The following LRP1B variants were observed in gnomAD, a reference collection of about 807,000 sequenced individuals.
LRP1B encodes low-density lipoprotein receptor-related protein 1B.
LRP1B carries 217 observed loss-of-function variants against 556.6 expected under a neutral mutation model. The ratio of observed to expected loss-of-function variants is 0.39; its 90% CI spans 0.35 to 0.44. The LOEUF is 0.44. Among genes scored for constraint, LRP1B ranks in the 20% least tolerant of loss-of-function variants. LRP1B has a pLI of 1.00. For synonymous variants in LRP1B, 2,047 were observed against 1,865.8 expected (o/e 1.10, Z -2.50); for missense variants, 5,053 against 5,620.8 (o/e 0.90, Z 3.23).
intron 79 of LRP1B, among the ~76,000 whole-genome samples, chr2:140,329,598 A>G (rs1680687365): frequency 6.6e-6 from 1 of 151,978 alleles, no homozygotes; most frequent in African/African-American, 2.4e-5. Context: ...CTATACACCA[A>G]CAATAGGCAA....
At chr2:141,012,944 ACCTAAATT>A (rs1697797625) in intron 14 of LRP1B, among the ~76,000 whole-genome samples, 1 of 151,884 alleles carries the variant, frequency 6.6e-6, no homozygotes. Context: ...TTCATTCAAT[ACCTAAATT>A]CTGAGTAATG....
intron 68 of LRP1B, among the ~76,000 whole-genome samples, chr2:140,375,812 T>C (rs2105177790): frequency 6.6e-6 from 1 of 152,290 alleles, no homozygotes; most frequent in Non-Finnish European, 1.5e-5. Context: ...GTAATCATTT[T>C]CTGTGTGTGC....
chr2:141,983,180 GA>G (rs5834886), intron 1 of LRP1B, among the ~76,000 whole-genome samples: 122,657 of 151,898 alleles, frequency 0.81, 49,703 homozygotes, highest in East Asian at 0.95. Context: ...GACAGAAGTA[GA>G]AAAAATATCT....
At chr2:141,239,356 A>G (rs1683778636) in intron 5 of LRP1B, among the ~76,000 whole-genome samples, 1 of 152,148 alleles carries the variant, frequency 6.6e-6, no homozygotes, top group East Asian at 1.9e-4. Flanking sequence ...GAGCAGAGCA[A>G]AGGAAAGTGG....
chr2:140,715,654 T>A (rs528835995), intron 37 of LRP1B, among the ~76,000 whole-genome samples: 3 of 152,236 alleles, frequency 2.0e-5, no homozygotes, highest in Non-Finnish European at 4.4e-5. Flanking sequence ...ATCAAATGGC[T>A]ATTTTACTAA....
rs527571546 is a variant in LRP1B at position 141,694,391 on chromosome 2, G to C, written c.205+115888C>G. Among the ~76,000 whole-genome samples the C allele has an allele frequency of 2.0e-5, 3 of 152,120 alleles. No homozygotes were observed. In the South Asian group the frequency reaches 6.2e-4, roughly 32 times the overall value. On this transcript the variant is annotated intron_variant, in intron 2 of 90. Coordinates refer to ENST00000389484, the MANE Select transcript of LRP1B (RefSeq NM_018557.3). ...TGAGTGAGCCTGCCCTAGTGACCCAGCCTTAGTGCCACAAACATGGCCTGA... is the reference window on the plus strand; with the variant it reads ...TGAGTGAGCCTGCCCTAGTGACCCACCCTTAGTGCCACAAACATGGCCTGA...
chr2:140,370,639 C>T (rs1359484923), intron 71 of LRP1B, 71 bp downstream of exon 71: 3 of 1,571,924 alleles, frequency 1.9e-6, no homozygotes, highest in South Asian at 1.1e-5. Flanking sequence ...CTAGCATACA[C>T]TGTATATTCT....
chr2:141,470,034 A>G (rs980619620), intron 3 of LRP1B, among the ~76,000 whole-genome samples: 24 of 151,572 alleles, frequency 1.6e-4, no homozygotes, highest in African/African-American at 5.8e-4. Context: ...CATGTATAGA[A>G]AAAACATAGT....
rs142232393 is a variant in LRP1B at position 140,770,053 on chromosome 2, A to G, written c.5627-709T>C. On this transcript the variant is annotated intron_variant, in intron 34 of 90. Transcript: ENST00000389484. Reference sequence around the variant, plus strand: ...TATATTTTTTTCTTATTAAAACTAGAATGCCTAGAATTAAATCTGTTTCCA... The same window carrying G: ...TATATTTTTTTCTTATTAAAACTAGGATGCCTAGAATTAAATCTGTTTCCA... Among the ~76,000 whole-genome samples the G allele has an allele frequency of 1.7e-3, 258 of 151,914 alleles. 1 individual carries two copies. The highest frequency in any genetic ancestry group is 6.1e-3 in the African/African-American group (253 of 41,538).
chr2:141,953,808 C>A (rs1701175518), intron 1 of LRP1B, among the ~76,000 whole-genome samples: 1 of 152,066 alleles, frequency 6.6e-6, no homozygotes, highest in Admixed American at 6.6e-5. Context: ...TGTATTCATG[C>A]AAGATGCAAT....
At chr2:140,555,627 G>C (rs1341427608) in intron 43 of LRP1B, among the ~76,000 whole-genome samples, 1 of 152,116 alleles carries the variant, frequency 6.6e-6, no homozygotes, top group African/African-American at 2.4e-5. Context: ...TGTTAAATAA[G>C]CTTTAAAATC....
At chr2:141,635,177 C>T (rs73965759) in intron 2 of LRP1B, among the ~76,000 whole-genome samples, 60 of 151,946 alleles carry the variant, frequency 3.9e-4, no homozygotes, top group African/African-American at 1.1e-3. Flanking sequence ...TAGGATTATA[C>T]GTACAGAATG....
rs557697889 is a variant in LRP1B, at chr2:141,241,256, T to C, written c.592+5970A>G. On this transcript the variant is annotated intron_variant, in intron 5 of 90. Coordinates refer to ENST00000389484, the MANE Select transcript of LRP1B (RefSeq NM_018557.3). ...AATACTCCATAAAATAAAGAAATAT[T>C]TTAATGGCCAGGCTACCGGTCCGGG... 3.3e-5 allele frequency among the ~76,000 whole-genome samples: 5 copies of C among 152,168 alleles called. No homozygotes were observed. In the South Asian group the frequency reaches 1.0e-3, roughly 32 times the overall value.
At chr2:141,625,740 A>G (rs1688681897) in intron 2 of LRP1B, among the ~76,000 whole-genome samples, 1 of 152,118 alleles carries the variant, frequency 6.6e-6, no homozygotes, top group Non-Finnish European at 1.5e-5. Flanking sequence ...TGTTACCTAA[A>G]CTTCACTGAG....
chr2:140,430,388 C>T (rs1394805245), intron 66 of LRP1B, among the ~76,000 whole-genome samples: 1 of 152,174 alleles, frequency 6.6e-6, no homozygotes, highest in East Asian at 1.9e-4. Flanking sequence ...AAAGGTCCTC[C>T]ATCATTAATG....
At position 141,202,615 on chromosome 2, in the gene LRP1B, C is replaced by A. The variant is rs1031662328; in HGVS notation, c.851-14032G>T. Among the ~76,000 whole-genome samples, 4 of 151,734 alleles carry A rather than the reference C, an allele frequency of 2.6e-5. No individual in the cohort carries two copies. In the South Asian group the frequency reaches 8.4e-4, roughly 32 times the overall value. On this transcript the variant is annotated intron_variant, in intron 6 of 90. Transcript: ENST00000389484. ...GTCTTTTTAATAATAGCCATTCTGA[C>A]TGATGTGAGATGGTATCTTATTGGG...
intron 7 of LRP1B, among the ~76,000 whole-genome samples, chr2:141,075,457 A>G (rs1161911298): frequency 1.3e-5 from 2 of 152,146 alleles, no homozygotes; most frequent in Non-Finnish European, 2.9e-5. Context: ...AATGGAGTTT[A>G]TGTTTTGGCA....
chr2:141,946,725 A>C (rs1700963511), intron 1 of LRP1B, among the ~76,000 whole-genome samples: 1 of 152,214 alleles, frequency 6.6e-6, no homozygotes, highest in Non-Finnish European at 1.5e-5. Context: ...TTTATGATTT[A>C]GATAGTCTGT....
chr2:140,708,225 G>A (rs1686909012), intron 37 of LRP1B, among the ~76,000 whole-genome samples: 1 of 151,876 alleles, frequency 6.6e-6, no homozygotes, highest in Non-Finnish European at 1.5e-5. Context: ...GGTGAGAAAA[G>A]TTGTCTTTCC....
Sources: gnomAD v4.1 joint callset for allele counts (sites outside exome capture counted in the v4.1 genomes callset) on GRCh38, gnomAD v4.1.1 for gene constraint, MANE v1.5 for transcripts, NCBI Gene and HGNC (gene_info 2026-07-23, HGNC 2026-07-21) for gene names.